SLCO1A2: variants seen among roughly 807,000 people sequenced by gnomAD.
The protein encoded by SLCO1A2 is solute carrier organic anion transporter family member 1A2.
Under a neutral mutation model 69.0 loss-of-function variants are expected in SLCO1A2, and 67 were observed. That is an observed-to-expected ratio of 0.97 (90% CI 0.80 to 1.19). The LOEUF (loss-of-function observed/expected upper bound fraction) is 1.19. Among genes scored for constraint, SLCO1A2 ranks in the 50% most tolerant of loss-of-function variants. The pLI, the probability that SLCO1A2 is intolerant of heterozygous loss-of-function variation, is 0.00. For missense variants in SLCO1A2, 787 were observed against 793.7 expected (o/e 0.99, Z 0.10); for synonymous variants, 260 against 265.9 (o/e 0.98, Z 0.22).
intron 4 of SLCO1A2, among the ~76,000 whole-genome samples, chr12:21,308,435 C>T (rs1302433267): frequency 6.6e-6 from 1 of 152,070 alleles, no homozygotes; most frequent in African/African-American, 2.4e-5. Context: ...TACTTAAATG[C>T]AAAAGTGAGT....
intron 4 of SLCO1A2, among the ~76,000 whole-genome samples, chr12:21,307,581 AC>A (rs1949583346): frequency 6.6e-6 from 1 of 152,240 alleles, no homozygotes; most frequent in African/African-American, 2.4e-5. Context: ...TCTCATAAGA[AC>A]AAATGGATTA....
At chr12:21,361,632 C>G (rs1269836107) in intron 2 of SLCO1A2, among the ~76,000 whole-genome samples, 2 of 151,986 alleles carry the variant, frequency 1.3e-5, no homozygotes, top group Non-Finnish European at 2.9e-5. Context: ...CACAAAGAAG[C>G]TAAAAACCTT....
chr12:21,288,011 T>TAAAA (rs59000175), intron 12 of SLCO1A2, among the ~76,000 whole-genome samples: 23 of 102,896 alleles, frequency 2.2e-4, no homozygotes, highest in East Asian at 7.3e-4. Flanking sequence ...TAAAGTATAA[T>TAAAA]AAAAAAAAAA....
chr12:21,303,673 A>C (rs1948999773), intron 6 of SLCO1A2, among the ~76,000 whole-genome samples: 1 of 152,220 alleles, frequency 6.6e-6, no homozygotes, highest in African/African-American at 2.4e-5. Context: ...AGAGATTGGA[A>C]GGCAGCACAA....
At chr12:21,306,412 G>A (rs929335012) in intron 5 of SLCO1A2, among the ~76,000 whole-genome samples, 1 of 151,810 alleles carries the variant, frequency 6.6e-6, no homozygotes, top group African/African-American at 2.4e-5. Context: ...TGCAACCTCT[G>A]CCACCTGGGT....
intron 8 of SLCO1A2, among the ~76,000 whole-genome samples, chr12:21,300,038 A>G (rs1029260960): frequency 1.2e-4 from 18 of 147,276 alleles, no homozygotes; most frequent in African/African-American, 4.3e-4. Context: ...ATGTGTGTAT[A>G]TATATATGTG....
At chr12:21,338,767 T>A (rs937891867), upstream of SLCO1A2, among the ~76,000 whole-genome samples, 18 of 152,102 alleles carry the variant, frequency 1.2e-4, no homozygotes, top group African/African-American at 3.1e-4. Context: ...ATATGGCATG[T>A]AAACACTGAG....
At position 21,295,858 on chromosome 12, in the gene SLCO1A2, T is replaced by C. The variant is rs369811413; in HGVS notation, c.1076-66A>G. 2,614 of 839,056 alleles carry C rather than the reference T, an allele frequency of 3.1e-3. 89 individuals are homozygous for C. The South Asian group carries it at 0.042, about 13-fold the overall frequency. 52.0% of individuals were successfully genotyped at this position (839,056 alleles called of 1,614,324 possible). On this transcript the variant is annotated intron_variant, in intron 9 of 14. Transcript: ENST00000683939. ...CAAAGGAACAAATATGTTATCACTT[T>C]TATGTAATATGCCTTATATAAGTAA...
chr12:21,376,332 C>T (rs1940189031), intron 1 of SLCO1A2: 2 of 357,982 alleles, frequency 5.6e-6, no homozygotes, highest in African/African-American at 2.2e-5. Flanking sequence ...GATGTTTGGA[C>T]CAAATTCCAA....
At chr12:21,318,996 G>T in intron 2 of SLCO1A2, 73 bp from the exon 3 acceptor site, 2 of 1,160,260 alleles carry the variant, frequency 1.7e-6, no homozygotes, top group African/African-American at 1.6e-5. Flanking sequence ...TTGACAAAAT[G>T]CCTTCCACCA....
intron 2 of SLCO1A2, among the ~76,000 whole-genome samples, chr12:21,339,954 G>A (rs1953013057): frequency 6.6e-6 from 1 of 151,900 alleles, no homozygotes; most frequent in South Asian, 2.1e-4. Flanking sequence ...AGAGTTAGAT[G>A]AAAGATGTAT....
chr12:21,307,904 A>T (rs925650817), intron 4 of SLCO1A2, among the ~76,000 whole-genome samples: 2 of 152,166 alleles, frequency 1.3e-5, no homozygotes, highest in Admixed American at 6.5e-5. Context: ...ACAATTGCTC[A>T]TTGATGCCCA....
In SLCO1A2 at chr12:21,292,215, C is replaced by T; in HGVS notation, c.1559G>A (p.Ser520Asn). ...GGCAGCCAAAGAATAAATGAAACTG[C>T]TCATCGCTGACAAGATTAGGAAGTA... ...LQYFLILSAM[S>N]SFIYSLAAIP... is the part of the protein sequence containing the mutation. Residue 520 changes from serine to asparagine, a missense_variant, in exon 12 of 15, where the codon AGC becomes AAC. Ser to Asn is a conservative substitution (Grantham distance 46). Transcript: ENST00000683939. 6.2e-7 allele frequency: 1 copy of T among 1,611,642 alleles called. No homozygotes were observed. The highest frequency in any genetic ancestry group is 8.5e-7 in the Non-Finnish European group (1 of 1,178,594).
intron 12 of SLCO1A2, among the ~76,000 whole-genome samples, chr12:21,278,422 T>C (rs1393481703): frequency 3.3e-5 from 5 of 151,996 alleles, no homozygotes; most frequent in African/African-American, 1.2e-4. Flanking sequence ...GAGGTAACAG[T>C]GGGCCTTGGG....
intron 6 of SLCO1A2, among the ~76,000 whole-genome samples, chr12:21,302,568 T>G (rs1948844801): frequency 6.6e-6 from 1 of 151,554 alleles, no homozygotes; most frequent in Non-Finnish European, 1.5e-5. Context: ...TTTTTTTTTT[T>G]GAGATGGAGT....
At chr12:21,407,099 A>G (rs914546331) in intron 1 of SLCO1A2, among the ~76,000 whole-genome samples, 2 of 152,152 alleles carry the variant, frequency 1.3e-5, no homozygotes, top group African/African-American at 2.4e-5. Context: ...TAATTTCAGG[A>G]AGGCAAAAGT....
intron 2 of SLCO1A2, among the ~76,000 whole-genome samples, chr12:21,327,373 G>C (rs1952317819): frequency 6.6e-6 from 1 of 152,304 alleles, no homozygotes; most frequent in Non-Finnish European, 1.5e-5. Flanking sequence ...CTGGGGAACT[G>C]CCTGGTGGAG....
chr12:21,350,785 C>T lies in SLCO1A2; in HGVS notation c.-62-16076G>A, dbSNP rs183587516. Among the ~76,000 whole-genome samples the T allele has an allele frequency of 8.4e-3, 987 of 116,844 alleles. 11 individuals are homozygous for T. The highest frequency in any genetic ancestry group is 0.03 in the African/African-American group (920 of 30,684). 76.7% of individuals were successfully genotyped at this position (116,844 alleles called of 152,430 possible). A position where few individuals can be genotyped will look rare whatever the true frequency, so the allele number is the denominator to read the frequency against. ...CCAGGAGGCAGGGGTTGTAGTGAGC[C>T]GAGATGGTGCCACTGTACTCCAGCC... On this transcript the variant is annotated intron_variant, in intron 2 of 15. Transcript: ENST00000307378.
At chr12:21,371,052 C>T (rs1453467957) in intron 2 of SLCO1A2, among the ~76,000 whole-genome samples, 5 of 152,174 alleles carry the variant, frequency 3.3e-5, no homozygotes, top group African/African-American at 7.2e-5. Context: ...TAGCAGCTTA[C>T]GGCGGTTTTG....
Sources: allele counts gnomAD v4.1 joint callset (sites outside exome capture counted in the v4.1 genomes callset), GRCh38; gene constraint gnomAD v4.1.1; transcripts MANE v1.5; gene names NCBI Gene and HGNC (gene_info 2026-07-23, HGNC 2026-07-21).